Variants in ZFHX3 observed in about 807,000 individuals in gnomAD.
The protein encoded by ZFHX3 is zinc finger homeobox 3.
ZFHX3 carries 42 observed loss-of-function variants against 279.1 expected under a neutral mutation model. The observed-to-expected ratio is 0.15, with a 90% CI of 0.12 to 0.19. ZFHX3 has a LOEUF of 0.19. Among genes scored for constraint, ZFHX3 ranks in the 10% least tolerant of loss-of-function variants. The pLI is 1.00. For synonymous variants in ZFHX3, 2,293 were observed against 1,957.8 expected, an observed-to-expected ratio of 1.17 and a Z score of -4.52; for missense variants, 4,981 against 4,754.0, an observed-to-expected ratio of 1.05 and a Z score of -1.40.
At chr16:73,701,908 C>A (rs1374519724) in intron 1 of ZFHX3, among the ~76,000 whole-genome samples, 1 of 151,314 alleles carries the variant, frequency 6.6e-6, no homozygotes, top group Non-Finnish European at 1.5e-5. Flanking sequence ...AGTATGTGGG[C>A]GATTTCTATC....
chr16:73,104,221 G>T (rs79479285), intron 7 of ZFHX3, among the ~76,000 whole-genome samples: 73 of 151,624 alleles, frequency 4.8e-4, no homozygotes, highest in African/African-American at 1.6e-3. Flanking sequence ...TTTATTTTAT[G>T]TATTTATTTA....
intron 1 of ZFHX3, among the ~76,000 whole-genome samples, chr16:73,729,136 G>T (rs1567563669): frequency 6.6e-6 from 1 of 152,110 alleles, no homozygotes; most frequent in Non-Finnish European, 1.5e-5. Flanking sequence ...CTCTGACAGG[G>T]TCCCCAAGAG....
intron 3 of ZFHX3, among the ~76,000 whole-genome samples, chr16:73,373,852 T>C (rs1268675816): frequency 6.6e-6 from 1 of 152,172 alleles, no homozygotes; most frequent in East Asian, 1.9e-4. Context: ...TTCAGACTAT[T>C]AATGATTGTG....
At chr16:72,844,118 C>T (rs1168991172) in intron 4 of ZFHX3, among the ~76,000 whole-genome samples, 1 of 152,192 alleles carries the variant, frequency 6.6e-6, no homozygotes, top group Non-Finnish European at 1.5e-5. Context: ...GGGCAGAGCT[C>T]ATCATCGATA....
intron 1 of ZFHX3, among the ~76,000 whole-genome samples, chr16:73,731,735 T>C (rs1034997147): frequency 3.3e-5 from 5 of 152,196 alleles, no homozygotes; most frequent in Admixed American, 1.3e-4. Context: ...TGGGACATTA[T>C]GTTCAAAATA....
chr16:73,327,536 A>G lies in ZFHX3; in HGVS notation c.-1290-9200T>C, dbSNP rs7205909. On this transcript the variant is annotated intron_variant, in intron 3 of 17. Transcript: ENST00000641206. ...CCTTCTCCTATGATGCCCACTTTTAATAACATACTTCCTTACAAAGGTGGC... is the reference window on the plus strand; with the variant it reads ...CCTTCTCCTATGATGCCCACTTTTAGTAACATACTTCCTTACAAAGGTGGC... Among the ~76,000 whole-genome samples, 1,105 of 152,334 alleles carry G rather than the reference A, an allele frequency of 7.3e-3. 15 individuals carry two copies. Among genetic ancestry groups the G allele is most frequent in the African/African-American group, 0.025 (1,027 of 41,572 alleles).
chr16:73,753,694 C>G (rs1305669253), intron 1 of ZFHX3, among the ~76,000 whole-genome samples: 1 of 152,198 alleles, frequency 6.6e-6, no homozygotes, highest in Admixed American at 6.5e-5. Flanking sequence ...GACAAACCCC[C>G]ACTGCCACTG....
chr16:72,805,860 G>GC (rs1276897702), intron 7 of ZFHX3: 1 of 152,166 alleles, frequency 6.6e-6, no homozygotes, highest in Non-Finnish European at 1.5e-5. Context: ...AAAAGGCTCA[G>GC]CTTCTTCTCT....
chr16:73,373,070 C>A (rs1479606034), intron 3 of ZFHX3, among the ~76,000 whole-genome samples: 1 of 151,994 alleles, frequency 6.6e-6, no homozygotes. Context: ...AGGCTTCTAA[C>A]TTTTCCAGTG....
At chr16:73,378,718 C>A (rs28495022) in intron 3 of ZFHX3, among the ~76,000 whole-genome samples, 1,768 of 152,288 alleles carry the variant, frequency 0.012, 42 homozygotes, top group African/African-American at 0.04. Flanking sequence ...GTTCCTTCTC[C>A]ATGTGACATA....
intron 2 of ZFHX3, chr16:73,609,292 A>G (rs1265629170): frequency 1.3e-5 from 2 of 152,204 alleles, no homozygotes; most frequent in African/African-American, 4.8e-5. Flanking sequence ...CACCTACAGA[A>G]TGTGCACGTA....
At chr16:72,918,960 T>G (rs1390605478) in intron 3 of ZFHX3, among the ~76,000 whole-genome samples, 2 of 152,086 alleles carry the variant, frequency 1.3e-5, no homozygotes, top group Non-Finnish European at 2.9e-5. Context: ...CCTCCCAAAG[T>G]GCTGGGATTA....
At position 73,451,890 on chromosome 16, in the gene ZFHX3, A is replaced by C. The variant is rs527380135; in HGVS notation, c.-1291+4113T>G. Among the ~76,000 whole-genome samples, 10 of 152,356 alleles carry C rather than the reference A, an allele frequency of 6.6e-5. No homozygotes were observed. The South Asian group carries it at 1.7e-3, about 25-fold the overall frequency. ...ACACAACACCGTCATTTTGAGCCCA[A>C]CTTTCTTCTTGAAAAATATCAAAGA... On this transcript the variant is annotated intron_variant, in intron 3 of 17. Transcript: ENST00000641206.
At chr16:73,203,201 T>A (rs748195052) in intron 5 of ZFHX3, among the ~76,000 whole-genome samples, 2 of 152,154 alleles carry the variant, frequency 1.3e-5, no homozygotes, top group East Asian at 3.9e-4. Flanking sequence ...GGGTCGAGAC[T>A]ATGCATCAAC....
chr16:73,772,855 T>C (rs542091343), intron 1 of ZFHX3, among the ~76,000 whole-genome samples: 5 of 152,218 alleles, frequency 3.3e-5, no homozygotes, highest in Non-Finnish European at 5.9e-5. Flanking sequence ...CTTAGAAAAT[T>C]CTTGCTTTGG....
rs190596082 is a variant in ZFHX3, at chr16:73,088,064, G to A, written c.-533+5171C>T. On this transcript the variant is annotated intron_variant, in intron 8 of 17. Coordinates refer to the ZFHX3 transcript ENST00000641206. ...GCTGGTCTCGAACTCCTGACCTCAGGTGATTCACCCGCCTTAACCTCCCAA... is the reference window on the plus strand; with the variant it reads ...GCTGGTCTCGAACTCCTGACCTCAGATGATTCACCCGCCTTAACCTCCCAA... Among the ~76,000 whole-genome samples the A allele has an allele frequency of 3.4e-3, 524 of 152,216 alleles. 4 individuals are homozygous for A. The highest frequency in any genetic ancestry group is 0.012 in the African/African-American group (498 of 41,542).
chr16:73,853,059 A>G (rs995591213), intron 1 of ZFHX3, among the ~76,000 whole-genome samples: 2 of 152,242 alleles, frequency 1.3e-5, no homozygotes, highest in Non-Finnish European at 2.9e-5. Context: ...TCAGTGGTCA[A>G]TAAACACATG....
intron 7 of ZFHX3, among the ~76,000 whole-genome samples, chr16:73,106,086 C>A (rs74854574): frequency 0.015 from 2,332 of 152,134 alleles, 33 homozygotes; most frequent in South Asian, 0.038. Context: ...TCCCTATGAC[C>A]TGTTAGGGGC....
At chr16:72,939,940 A>G (rs564520631) in intron 3 of ZFHX3, among the ~76,000 whole-genome samples, 1 of 152,074 alleles carries the variant, frequency 6.6e-6, no homozygotes, top group African/African-American at 2.4e-5. Flanking sequence ...ACACCCTGAT[A>G]ATTTTTTTAT....
Sources: gnomAD v4.1 joint callset for allele counts (sites outside exome capture counted in the v4.1 genomes callset) on GRCh38, gnomAD v4.1.1 for gene constraint, MANE v1.5 for transcripts, NCBI Gene and HGNC (gene_info 2026-07-23, HGNC 2026-07-21) for gene names.